Variants in RABGAP1L observed in about 807,000 individuals in gnomAD.
RABGAP1L encodes rab GTPase-activating protein 1-like.
RABGAP1L carries 63 observed loss-of-function variants against 137.7 expected under a neutral mutation model. That is an observed-to-expected ratio of 0.46 (90% CI 0.37 to 0.56). RABGAP1L has a LOEUF of 0.56. Ranked by LOEUF, RABGAP1L falls within the 20% of genes least tolerant of loss-of-function variation. RABGAP1L has a pLI of 0.00. For missense variants in RABGAP1L, 1,095 were observed against 1,244.0 expected, an observed-to-expected ratio of 0.88 and a Z score of 1.80; for synonymous variants, 431 against 433.7, an observed-to-expected ratio of 0.99 and a Z score of 0.08.
intron 14 of RABGAP1L, among the ~76,000 whole-genome samples, chr1:174,645,146 A>G (rs556474991): frequency 6.6e-6 from 1 of 152,110 alleles, no homozygotes; most frequent in Non-Finnish European, 1.5e-5. Flanking sequence ...TTTACTATAA[A>G]TATATATCAC....
At chr1:174,230,860 A>G (rs964310698) in intron 3 of RABGAP1L, among the ~76,000 whole-genome samples, 1 of 152,018 alleles carries the variant, frequency 6.6e-6, no homozygotes, top group Non-Finnish European at 1.5e-5. Flanking sequence ...ATAAAGCTTA[A>G]ATTTTTTCTC....
At chr1:174,715,113 A>G (rs955962440) in intron 17 of RABGAP1L, among the ~76,000 whole-genome samples, 1 of 152,184 alleles carries the variant, frequency 6.6e-6, no homozygotes, top group Non-Finnish European at 1.5e-5. Flanking sequence ...AGGTGAGGTT[A>G]TAAGTAAAAG....
At chr1:174,407,359 C>T (rs1170419733) in intron 13 of RABGAP1L, among the ~76,000 whole-genome samples, 2 of 150,578 alleles carry the variant, frequency 1.3e-5, no homozygotes, top group African/African-American at 2.5e-5. Flanking sequence ...GCCTCCCTTT[C>T]TTAATTGTCC....
At chr1:174,528,865 A>G (rs927592057) in intron 13 of RABGAP1L, among the ~76,000 whole-genome samples, 11 of 151,622 alleles carry the variant, frequency 7.3e-5, no homozygotes, top group Non-Finnish European at 1.2e-4. Flanking sequence ...GATGTCTCAC[A>G]TATCACAAAT....
At chr1:174,225,302 C>T (rs1670082137) in intron 3 of RABGAP1L, among the ~76,000 whole-genome samples, 1 of 151,820 alleles carries the variant, frequency 6.6e-6, no homozygotes, top group Admixed American at 6.6e-5. Context: ...TTATTCATTA[C>T]AGGTGTTTTC....
At chr1:174,911,947 C>G (rs1660121107) in intron 19 of RABGAP1L, among the ~76,000 whole-genome samples, 1 of 152,198 alleles carries the variant, frequency 6.6e-6, no homozygotes, top group African/African-American at 2.4e-5. Context: ...GCAAGAGAAT[C>G]TGGACAGATC....
intron 13 of RABGAP1L, among the ~76,000 whole-genome samples, chr1:174,608,836 G>T (rs1020423513): frequency 6.6e-6 from 1 of 152,050 alleles, no homozygotes; most frequent in African/African-American, 2.4e-5. Flanking sequence ...AAATAGTTTA[G>T]GCATAAAGTG....
At chr1:174,927,453 C>T (rs558854221) in intron 19 of RABGAP1L, among the ~76,000 whole-genome samples, 2 of 152,264 alleles carry the variant, frequency 1.3e-5, no homozygotes, top group South Asian at 2.1e-4. Flanking sequence ...TGGTCTCGAA[C>T]TCCTGAGCTC....
chr1:174,667,354 G>C (rs1018166711), intron 14 of RABGAP1L, among the ~76,000 whole-genome samples: 2 of 152,082 alleles, frequency 1.3e-5, no homozygotes, highest in African/African-American at 4.8e-5. Flanking sequence ...GAGAATCTAA[G>C]TGATATAATG....
rs1688798239 is a variant in RABGAP1L, at chr1:174,801,949, G to T, written c.2212-9883G>T. Reference sequence around the variant, plus strand: ...GACTACTCAACTTTGTGACTCAAAGGCTTCCAATGGTAACTTTCCAGTAAT... The same window carrying T: ...GACTACTCAACTTTGTGACTCAAAGTCTTCCAATGGTAACTTTCCAGTAAT... On this transcript the variant is annotated intron_variant, in intron 18 of 25. Transcript: ENST00000681986. Among the ~76,000 whole-genome samples the T allele has an allele frequency of 2.6e-5, 4 of 152,258 alleles. No individual in the cohort carries two copies. In the South Asian group the frequency reaches 8.3e-4, roughly 32 times the overall value.
intron 17 of RABGAP1L, among the ~76,000 whole-genome samples, chr1:174,706,372 A>G (rs1417256700): frequency 1.3e-5 from 2 of 152,278 alleles, no homozygotes; most frequent in South Asian, 4.1e-4. Context: ...ACATTTTCTT[A>G]TGTTAAGATG....
intron 13 of RABGAP1L, among the ~76,000 whole-genome samples, chr1:174,516,191 T>C (rs948768942): frequency 6.6e-6 from 1 of 150,496 alleles, no homozygotes; most frequent in African/African-American, 2.5e-5. Context: ...TCTCGCTCTG[T>C]CACCCAGACT....
intron 19 of RABGAP1L, among the ~76,000 whole-genome samples, chr1:174,863,233 C>CA (rs71117585): frequency 3.5e-4 from 29 of 82,648 alleles, no homozygotes; most frequent in Admixed American, 4.9e-4. Context: ...TTGTTTGTAG[C>CA]AAAAAAAAAA....
intron 13 of RABGAP1L, among the ~76,000 whole-genome samples, chr1:174,457,404 C>A (rs1272237325): frequency 6.7e-6 from 1 of 148,752 alleles, no homozygotes; most frequent in African/African-American, 2.5e-5. Flanking sequence ...GAGATTAGGA[C>A]AATAATATTA....
At chr1:174,220,816 A>C (rs1195385899) in intron 2 of RABGAP1L, 156 bp from the exon 3 acceptor site, 1 of 531,944 alleles carries the variant, frequency 1.9e-6, no homozygotes, top group African/African-American at 2.0e-5. Flanking sequence ...CCAGGATTTT[A>C]ATGTATTATA....
intron 11 of RABGAP1L, among the ~76,000 whole-genome samples, chr1:174,368,651 C>T (rs1051749221): frequency 2.6e-5 from 4 of 151,970 alleles, no homozygotes; most frequent in Admixed American, 1.3e-4. Flanking sequence ...TTTCTTTATT[C>T]TATTGATTAG....
At chr1:174,224,679 C>T (rs1670026000) in intron 3 of RABGAP1L, among the ~76,000 whole-genome samples, 1 of 151,974 alleles carries the variant, frequency 6.6e-6, no homozygotes. Flanking sequence ...CTGATATTGA[C>T]ATGTATTACA....
intron 13 of RABGAP1L, among the ~76,000 whole-genome samples, chr1:174,484,577 T>A (rs1247918309): frequency 6.6e-6 from 1 of 152,222 alleles, no homozygotes; most frequent in Non-Finnish European, 1.5e-5. Flanking sequence ...ATTTGATATT[T>A]GTATATGGTG....
chr1:174,668,830 T>G (rs572861906), intron 14 of RABGAP1L, among the ~76,000 whole-genome samples: 2 of 152,202 alleles, frequency 1.3e-5, no homozygotes, highest in Non-Finnish European at 2.9e-5. Context: ...TATCTCATTG[T>G]GGTTTTGATT....
Sources: allele counts gnomAD v4.1 joint callset (sites outside exome capture counted in the v4.1 genomes callset), GRCh38; gene constraint gnomAD v4.1.1; transcripts MANE v1.5; gene names NCBI Gene and HGNC (gene_info 2026-07-23, HGNC 2026-07-21).